The following ZFP82 variants were observed in gnomAD, a reference collection of about 807,000 sequenced individuals.
The protein encoded by ZFP82 is zinc finger protein 82 homolog.
In ZFP82, 30 loss-of-function variants were observed where a neutral mutation model predicts 54.0. The ratio of observed to expected loss-of-function variants is 0.56; its 90% CI spans 0.42 to 0.75. The LOEUF (loss-of-function observed/expected upper bound fraction) is 0.75. Among genes scored for constraint, ZFP82 ranks in the 30% least tolerant of loss-of-function variants. ZFP82 has a pLI of 0.00. For missense variants in ZFP82, 500 were observed against 636.8 expected, an observed-to-expected ratio of 0.79 and a Z score of 2.31; for synonymous variants, 194 against 209.5, an observed-to-expected ratio of 0.93 and a Z score of 0.64.
chr19:36,386,557 G>A (rs150646167), downstream of ZFP82, among the ~76,000 whole-genome samples: 228 of 152,328 alleles, frequency 1.5e-3, 1 homozygote, highest in African/African-American at 5.3e-3. Flanking sequence ...AAAGCCATGG[G>A]GGCAAGGCTG....
At chr19:36,408,298 T>C (rs2032519059) in intron 2 of ZFP82, among the ~76,000 whole-genome samples, 1 of 152,160 alleles carries the variant, frequency 6.6e-6, no homozygotes, top group Non-Finnish European at 1.5e-5. Context: ...TCCAATTAAA[T>C]GAAATACTGT....
At chr19:36,407,014 A>G (rs1352080965) in intron 3 of ZFP82, among the ~76,000 whole-genome samples, 1 of 151,972 alleles carries the variant, frequency 6.6e-6, no homozygotes, top group Non-Finnish European at 1.5e-5. Flanking sequence ...ATTATTATTA[A>G]CTATACTCAT....
At chr19:36,410,671 T>C (rs1182004699) in intron 1 of ZFP82, among the ~76,000 whole-genome samples, 1 of 151,846 alleles carries the variant, frequency 6.6e-6, no homozygotes, top group Non-Finnish European at 1.5e-5. Context: ...CCTGGCTAAT[T>C]TTTGTATTTT....
chr19:36,417,151 A>G (rs995579676), intron 1 of ZFP82, among the ~76,000 whole-genome samples: 1 of 148,808 alleles, frequency 6.7e-6, no homozygotes, highest in Non-Finnish European at 1.5e-5. Context: ...TTTATTTTTT[A>G]CTAGGAAATA....
chr19:36,410,449 GTA>G (rs1224354413), intron 1 of ZFP82, among the ~76,000 whole-genome samples: 1 of 150,888 alleles, frequency 6.6e-6, no homozygotes, highest in African/African-American at 2.4e-5. Context: ...GTGTGTGTGT[GTA>G]TATGTGTGTG....
intron 1 of ZFP82, among the ~76,000 whole-genome samples, chr19:36,417,267 G>A (rs148510729): frequency 2.0e-5 from 3 of 152,034 alleles, no homozygotes; most frequent in Admixed American, 1.3e-4. Flanking sequence ...GGTTTATTAA[G>A]TACTAACGAG....
downstream of ZFP82, among the ~76,000 whole-genome samples, chr19:36,388,578 T>C (rs1465626528): frequency 2.6e-5 from 4 of 152,116 alleles, no homozygotes; most frequent in East Asian, 7.7e-4. Flanking sequence ...TATATGTATA[T>C]AGTAATATGT....
chr19:36,388,517 A>G (rs1409446674), downstream of ZFP82, among the ~76,000 whole-genome samples: 1 of 151,908 alleles, frequency 6.6e-6, no homozygotes, highest in East Asian at 1.9e-4. Flanking sequence ...AGGTTTCTCT[A>G]GATTGAAACA....
chr19:36,415,708 T>C (rs2032658379), intron 1 of ZFP82, among the ~76,000 whole-genome samples: 1 of 152,160 alleles, frequency 6.6e-6, no homozygotes, highest in South Asian at 2.1e-4. Flanking sequence ...TTCATACACA[T>C]AGAATTAAAA....
intron 1 of ZFP82, among the ~76,000 whole-genome samples, chr19:36,415,587 A>C (rs2032656718): frequency 6.6e-6 from 1 of 152,080 alleles, no homozygotes; most frequent in African/African-American, 2.4e-5. Context: ...AGGTTTTACC[A>C]TATTGGCCAG....
At chr19:36,396,061 AT>A (rs34319197) in intron 4 of ZFP82, 158 of 136,782 alleles carry the variant, frequency 1.2e-3, no homozygotes, top group Middle Eastern at 3.9e-3. Context: ...ACGCCTGGCT[AT>A]TTTTTTTTTT....
Position 36,393,841 on chromosome 19 carries a change from C to A in ZFP82, c.499G>T (p.Asp167Tyr). The change falls in exon 5 of 5, where the codon GAT (aspartate) becomes TAT (tyrosine). Residue 167 changes from aspartate (D) to tyrosine (Y), a missense_variant. By Grantham distance (160) the Asp-to-Tyr change is radical. Transcript: ENST00000392161. The stretch of plus-strand genomic sequence containing the variant: ...CATTCCTTACATTCATAGGGTTTAT[C>A]AACAAAATGAAGTCTCTGATGTGGA... ...VTPHQRLHFV[D>Y]KPYECKECGK... is the part of the protein sequence containing the mutation. The A allele has an allele frequency of 6.2e-7, 1 of 1,614,178 alleles. No homozygotes were observed. Among genetic ancestry groups the A allele is most frequent in the Non-Finnish European group, 8.5e-7 (1 of 1,180,038 alleles).
In ZFP82 at chr19:36,418,621, G is replaced by C. The variant is rs1291371400; in HGVS notation, c.-208C>G. 3 of 152,386 alleles carry C rather than the reference G, an allele frequency of 2.0e-5. No individual in the cohort carries two copies. The highest frequency in any genetic ancestry group is 1.9e-4 in the East Asian group (1 of 5,186). 9.4% of individuals were successfully genotyped at this position (152,386 alleles called of 1,614,324 possible). On this transcript the variant is annotated 5_prime_UTR_variant, in exon 1 of 5. Transcript: ENST00000392161. ...CCCGAACGGAGGAAGCCGCTGCCGG[G>C]TCACGCCACAATCCCCGGGGCCTAA...
intron 4 of ZFP82, among the ~76,000 whole-genome samples, chr19:36,402,234 C>A (rs537720769): frequency 6.6e-6 from 1 of 151,784 alleles, no homozygotes; most frequent in African/African-American, 2.4e-5. Flanking sequence ...TTTGGGAAGC[C>A]AAGGTGGGCG....
chr19:36,404,460 T>G (rs1021468953), intron 4 of ZFP82, among the ~76,000 whole-genome samples: 1 of 152,220 alleles, frequency 6.6e-6, no homozygotes, highest in Non-Finnish European at 1.5e-5. Context: ...GTCCACAGCT[T>G]CTTCTTGATA....
chr19:36,388,648 CTG>C lies in ZFP82; in HGVS notation c.*4091_*4092del, dbSNP rs1385022319. ...TATTTCACTTTTTCCATACATAAAG[CTG>C]TGAGTCATGTTTTTCCCTCAATAAC... On this transcript the variant is annotated 3_prime_UTR_variant, in exon 5 of 5. Transcript: ENST00000392161. 2.0e-5 allele frequency among the ~76,000 whole-genome samples: 3 copies of C among 152,056 alleles called. No homozygotes were observed. The highest frequency in any genetic ancestry group is 6.5e-5 in the Admixed American group (1 of 15,270).
intron 2 of ZFP82, among the ~76,000 whole-genome samples, chr19:36,409,160 A>G (rs73608355): frequency 2.0e-5 from 3 of 152,170 alleles, no homozygotes; most frequent in Non-Finnish European, 2.9e-5. Flanking sequence ...AGATCTCTCT[A>G]TAAGACCTAG....
chr19:36,414,207 T>A (rs2032629577), intron 1 of ZFP82, among the ~76,000 whole-genome samples: 1 of 151,840 alleles, frequency 6.6e-6, no homozygotes, highest in African/African-American at 2.4e-5. Context: ...CTTCAATAAT[T>A]TTCAATTTAA....
intron 3 of ZFP82, among the ~76,000 whole-genome samples, chr19:36,407,059 T>C (rs1018444855): frequency 2.0e-5 from 3 of 150,514 alleles, no homozygotes; most frequent in South Asian, 2.1e-4. Context: ...ATACAAATCT[T>C]AGATTTTTAA....
Sources: allele counts gnomAD v4.1 joint callset (sites outside exome capture counted in the v4.1 genomes callset), GRCh38; gene constraint gnomAD v4.1.1; transcripts MANE v1.5; gene names NCBI Gene and HGNC (gene_info 2026-07-23, HGNC 2026-07-21).